TEKT5: variants seen among roughly 807,000 people sequenced by gnomAD.
TEKT5 encodes the protein tektin 5, also known as tektin-5.
In TEKT5, 52 loss-of-function variants were observed where a neutral mutation model predicts 48.7. The observed-to-expected ratio is 1.07, with a 90% CI of 0.86 to 1.35. The LOEUF is 1.35. Among genes scored for constraint, TEKT5 ranks in the 40% most tolerant of loss-of-function variants. TEKT5 has a pLI of 0.00. For missense variants in TEKT5, 831 were observed against 641.6 expected, an observed-to-expected ratio of 1.30 and a Z score of -3.19; for synonymous variants, 318 against 267.6, an observed-to-expected ratio of 1.19 and a Z score of -1.84.
At position 10,694,646 on chromosome 16, in the gene TEKT5, G is replaced by C. The variant is rs751064890; in HGVS notation, c.228C>G (p.Thr76=). 14 of 1,613,002 alleles carry C rather than the reference G, an allele frequency of 8.7e-6. No homozygotes were observed. In the Admixed American group the frequency reaches 1.5e-4, roughly 17 times the overall value. ...DESTSTLRPP[T]ILPTLRSALF... is the part of the protein sequence containing the mutation. The stretch of plus-strand genomic sequence containing the variant: ...GTGCGGAGCGCAGTGTGGGCAGGAT[G>C]GTGGGCGGCCGCAGGGTACTGGTGC... Residue 76 remains threonine, a synonymous_variant, in exon 1 of 7, where the codon ACC becomes ACG. Transcript: ENST00000283025.
At chr16:10,672,133 T>C (rs1898558886) in intron 5 of TEKT5, among the ~76,000 whole-genome samples, 1 of 152,162 alleles carries the variant, frequency 6.6e-6, no homozygotes, top group African/African-American at 2.4e-5. Flanking sequence ...CACAGAACTG[T>C]ACACTTAAGA....
intron 5 of TEKT5, among the ~76,000 whole-genome samples, chr16:10,640,078 T>TTCTCCTTCCTTCCTTCCC (rs1897971225): frequency 6.8e-6 from 1 of 147,412 alleles, no homozygotes; most frequent in South Asian, 2.1e-4. Flanking sequence ...TTTCTCCTTC[T>TTCTCCTTCCTTCCTTCCC]TCTCCTTCCT....
chr16:10,671,088 A>T (rs1898541711), intron 5 of TEKT5, among the ~76,000 whole-genome samples: 1 of 152,140 alleles, frequency 6.6e-6, no homozygotes, highest in African/African-American at 2.4e-5. Flanking sequence ...TCTCTCCATC[A>T]GTAATTATAT....
rs143085757 is a variant in TEKT5, at chr16:10,661,368, C to G, written c.1086+14591G>C. Reference sequence around the variant, plus strand: ...CCAAGTGTGGTCCCTGGACCAGCATCTTTGGACTTGAAGAGCTTGTTAGAA... The same window carrying G: ...CCAAGTGTGGTCCCTGGACCAGCATGTTTGGACTTGAAGAGCTTGTTAGAA... On this transcript the variant is annotated intron_variant, in intron 5 of 6. Coordinates refer to ENST00000283025, the MANE Select transcript of TEKT5 (RefSeq NM_144674.2). 1.4e-3 allele frequency among the ~76,000 whole-genome samples: 220 copies of G among 152,342 alleles called. 1 individual carries two copies. The highest frequency in any genetic ancestry group is 3.6e-3 in the African/African-American group (150 of 41,576).
chr16:10,683,211 A>C (rs879903380), intron 3 of TEKT5, among the ~76,000 whole-genome samples: 13 of 136,796 alleles, frequency 9.5e-5, no homozygotes, highest in Non-Finnish European at 1.6e-4. Context: ...CCAAGCCGAC[A>C]ACATCACACG....
intron 5 of TEKT5, among the ~76,000 whole-genome samples, chr16:10,657,929 T>A (rs1411951504): frequency 6.6e-6 from 1 of 152,092 alleles, no homozygotes. Flanking sequence ...AACATCTTTA[T>A]TGAGATACAA....
intron 5 of TEKT5, among the ~76,000 whole-genome samples, chr16:10,664,905 G>A (rs1477106532): frequency 1.3e-5 from 2 of 152,196 alleles, no homozygotes; most frequent in Non-Finnish European, 2.9e-5. Flanking sequence ...GGGCACAGCT[G>A]CTGTTATTCT....
intron 4 of TEKT5, among the ~76,000 whole-genome samples, chr16:10,680,297 G>A (rs981817838): frequency 6.6e-6 from 1 of 152,190 alleles, no homozygotes; most frequent in Non-Finnish European, 1.5e-5. Flanking sequence ...GTGACCCCAG[G>A]CTTGGGCCAA....
chr16:10,676,217 G>A lies in TEKT5; in HGVS notation c.864-36C>T, dbSNP rs568233026. ...ACAAGGGTGAGTTGCAGCAGTCCTG[G>A]AAGACCTCAGAATCTGTGGTTTCTC... On this transcript the variant is annotated intron_variant, in intron 4 of 6. Coordinates refer to ENST00000283025, the MANE Select transcript of TEKT5 (RefSeq NM_144674.2). 1.2e-5 allele frequency: 19 copies of A among 1,603,314 alleles called. No individual in the cohort carries two copies. In the African/African-American group the frequency reaches 2.0e-4, roughly 17 times the overall value.
chr16:10,663,279 G>C (rs919152829), intron 5 of TEKT5, among the ~76,000 whole-genome samples: 1 of 152,226 alleles, frequency 6.6e-6, no homozygotes, highest in Non-Finnish European at 1.5e-5. Context: ...CTATCTGCCT[G>C]TGTCTTGTGA....
At chr16:10,674,983 C>T (rs1461679328) in intron 5 of TEKT5, among the ~76,000 whole-genome samples, 2 of 152,082 alleles carry the variant, frequency 1.3e-5, no homozygotes, top group Non-Finnish European at 2.9e-5. Flanking sequence ...CACCACCACA[C>T]CTGGCTAATT....
intron 6 of TEKT5, among the ~76,000 whole-genome samples, chr16:10,634,449 A>G (rs151042825): frequency 1.2e-4 from 18 of 152,250 alleles, no homozygotes; most frequent in African/African-American, 4.1e-4. Flanking sequence ...AATGCAGAAT[A>G]AGGTTTATGG....
intron 5 of TEKT5, among the ~76,000 whole-genome samples, chr16:10,656,311 G>A (rs756400387): frequency 2.0e-5 from 3 of 152,162 alleles, no homozygotes; most frequent in Non-Finnish European, 4.4e-5. Flanking sequence ...GAATGCAGTG[G>A]CGTGATGTCA....
At chr16:10,628,495 C>T (rs373644179) in intron 6 of TEKT5, among the ~76,000 whole-genome samples, 13 of 152,178 alleles carry the variant, frequency 8.5e-5, no homozygotes, top group African/African-American at 2.7e-4. Context: ...CACGGCAGCC[C>T]TATTCACGAT....
At position 10,627,600 on chromosome 16, in the gene TEKT5, G is replaced by T; in HGVS notation, c.1441C>A (p.Leu481Met). 6.2e-7 allele frequency: 1 copy of T among 1,614,180 alleles called. No homozygotes were observed. The highest frequency in any genetic ancestry group is 2.2e-5 in the East Asian group (1 of 44,888). Reference sequence around the variant, plus strand: ...GGCGGTGCTCAGGTGTGGCCCACCAGGCGCGGGGTGCAGGGGAAGGTCTTA... The same window carrying T: ...GGCGGTGCTCAGGTGTGGCCCACCATGCGCGGGGTGCAGGGGAAGGTCTTA... ...MRKTFPCTPR[L>M]VGHT Residue 481 changes from leucine to methionine, a missense_variant, in exon 7 of 7, where the codon CTG (leucine) becomes ATG (methionine). Transcript: ENST00000283025.
chr16:10,657,493 G>T (rs1898281620), intron 5 of TEKT5, among the ~76,000 whole-genome samples: 1 of 152,098 alleles, frequency 6.6e-6, no homozygotes, highest in Non-Finnish European at 1.5e-5. Flanking sequence ...AGAGAAATAG[G>T]AGTGAATCCA....
intron 5 of TEKT5, among the ~76,000 whole-genome samples, chr16:10,667,130 C>G (rs1467819530): frequency 6.6e-6 from 1 of 151,728 alleles, no homozygotes; most frequent in Non-Finnish European, 1.5e-5. Flanking sequence ...ACTACAGGCG[C>G]ATGCCACCAT....
intron 6 of TEKT5, among the ~76,000 whole-genome samples, chr16:10,630,347 T>C (rs1162933313): frequency 6.6e-6 from 1 of 151,838 alleles, no homozygotes; most frequent in Non-Finnish European, 1.5e-5. Flanking sequence ...GAGATCCTCC[T>C]GTCTCAGCCT....
chr16:10,681,849 C>A, intron 4 of TEKT5, 144 bp downstream of exon 4: 2 of 1,123,148 alleles, frequency 1.8e-6, no homozygotes, highest in Non-Finnish European at 2.6e-6. Flanking sequence ...TGGATTCTGC[C>A]GCCTGCGCTA....
Sources: allele counts gnomAD v4.1 joint callset (sites outside exome capture counted in the v4.1 genomes callset), GRCh38; gene constraint gnomAD v4.1.1; transcripts MANE v1.5; gene names NCBI Gene and HGNC (gene_info 2026-07-23, HGNC 2026-07-21).